The following NWD2 variants were observed in gnomAD, a reference collection of about 807,000 sequenced individuals.
NWD2 encodes the protein NACHT and WD repeat domain-containing protein 2.
NWD2 carries 37 observed loss-of-function variants against 132.7 expected under a neutral mutation model. That is an observed-to-expected ratio of 0.28 (90% CI 0.21 to 0.37). The LOEUF (loss-of-function observed/expected upper bound fraction) is 0.37. Ranked by LOEUF, NWD2 falls within the 10% of genes least tolerant of loss-of-function variation. NWD2 has a pLI of 1.00. For synonymous variants in NWD2, 705 were observed against 803.0 expected (o/e 0.88, Z 2.06); for missense variants, 1,592 against 2,122.4 (o/e 0.75, Z 4.91).
At chr4:37,334,904 T>C (rs1174192086) in intron 2 of NWD2, among the ~76,000 whole-genome samples, 5 of 152,148 alleles carry the variant, frequency 3.3e-5, no homozygotes, top group African/African-American at 1.2e-4. Flanking sequence ...CCTCCCTAAA[T>C]ACTTCTCCAA....
intron 3 of NWD2, among the ~76,000 whole-genome samples, chr4:37,396,660 A>G (rs1720797270): frequency 1.3e-5 from 2 of 152,306 alleles, no homozygotes; most frequent in Admixed American, 1.3e-4. Context: ...TCAGGGAGTC[A>G]AATGTGATCT....
chr4:37,446,077 T>C lies in NWD2; in HGVS notation c.4089T>C (p.Cys1363=), dbSNP rs1203753891. The change falls in exon 7 of 7, where the codon TGT becomes TGC. Residue 1363 remains cysteine (C), a synonymous_variant. Transcript: ENST00000309447. The surrounding 1 kb of genome is among the most constrained non-coding windows in gnomAD (Gnocchi z 6.7). Reference sequence around the variant, plus strand: ...AGCATGAAGGAATAGTTGAACACTGTGTGTTAACATCCACCGGAGATATAA... The same window carrying C: ...AGCATGAAGGAATAGTTGAACACTGCGTGTTAACATCCACCGGAGATATAA... The part of the protein sequence containing the change: ...VFKHEGIVEH[C]VLTSTGDIMV... The C allele has an allele frequency of 5.2e-6, 8 of 1,551,620 alleles. No individual in the cohort carries two copies. Among genetic ancestry groups the C allele is most frequent in the Non-Finnish European group, 6.1e-6 (7 of 1,146,936 alleles).
At chr4:37,361,424 CA>C (rs1420941494) in intron 3 of NWD2, among the ~76,000 whole-genome samples, 1 of 151,870 alleles carries the variant, frequency 6.6e-6, no homozygotes, top group Non-Finnish European at 1.5e-5. Context: ...AACATAGATG[CA>C]AAAAAACCTC....
intron 1 of NWD2, among the ~76,000 whole-genome samples, chr4:37,246,792 A>G (rs1717253040): frequency 6.6e-6 from 1 of 152,220 alleles, no homozygotes; most frequent in Non-Finnish European, 1.5e-5. Flanking sequence ...AGCTAGCTAA[A>G]TCACTCTTTT....
intron 2 of NWD2, among the ~76,000 whole-genome samples, chr4:37,329,283 G>A (rs527865773): frequency 6.0e-5 from 9 of 150,782 alleles, no homozygotes; most frequent in African/African-American, 1.7e-4. Flanking sequence ...ACCCTCTTCT[G>A]AGGAGCTTCT....
chr4:37,333,365 C>T (rs1719332739), intron 2 of NWD2, among the ~76,000 whole-genome samples: 2 of 152,134 alleles, frequency 1.3e-5, no homozygotes, highest in South Asian at 2.1e-4. Flanking sequence ...CACCCCTCCC[C>T]CAGCTCCAGG....
rs1276476766 is a variant in NWD2, at chr4:37,444,229, G to T, written c.2241G>T (p.Gln747His). ...LQLIAQKLYL[Q>H]DDNDLREMHT... The stretch of plus-strand genomic sequence containing the variant: ...TCATAGCCCAGAAGCTATATCTGCA[G>T]GATGACAATGACCTGCGTGAAATGC... The change falls in exon 7 of 7, where the codon CAG (glutamine) becomes CAT (histidine). Residue 747 changes from glutamine (Q) to histidine (H), a missense_variant. By Grantham distance (24) the Gln-to-His change is conservative (BLOSUM62 0). This residue lies in a region of NWD2 where 1,071 missense variants were observed against 1,398.0 expected (regional missense o/e 0.77). Coordinates refer to ENST00000309447, the MANE Select transcript of NWD2 (RefSeq NM_001144990.2). The surrounding 1 kb of genome is among the most constrained non-coding windows in gnomAD (Gnocchi z 4.8). The T allele has an allele frequency of 5.2e-6, 8 of 1,551,678 alleles. No individual in the cohort carries two copies. In the East Asian group the frequency reaches 2.0e-4, roughly 38 times the overall value.
chr4:37,439,700 C>T lies in NWD2; in HGVS notation c.1296+310C>T, dbSNP rs778114796. ...CCAATCTCAATAACTGTTCTCATTC[C>T]TTTCAGACAAGGACAAGCCCTCTGG... On this transcript the variant is annotated intron_variant, in intron 6 of 6. Transcript: ENST00000309447. This position sits in a 1 kb window ranked among gnomAD's most constrained non-coding sequence, Gnocchi z 4.5. 2.6e-5 allele frequency among the ~76,000 whole-genome samples: 4 copies of T among 152,190 alleles called. No homozygotes were observed. The highest frequency in any genetic ancestry group is 5.9e-5 in the Non-Finnish European group (4 of 68,038).
intron 3 of NWD2, among the ~76,000 whole-genome samples, chr4:37,403,744 A>G (rs1294097015): frequency 6.6e-6 from 1 of 152,216 alleles, no homozygotes; most frequent in Non-Finnish European, 1.5e-5. Context: ...CATTTGTGAA[A>G]CATTTCTGTA....
intron 1 of NWD2, among the ~76,000 whole-genome samples, chr4:37,280,513 C>T (rs1464309907): frequency 1.3e-5 from 2 of 152,044 alleles, no homozygotes; most frequent in Non-Finnish European, 1.5e-5. Context: ...ATAGGGAGAA[C>T]GTGCAGACTC....
At chr4:37,351,057 T>C (rs1331356827) in intron 2 of NWD2, among the ~76,000 whole-genome samples, 2 of 152,204 alleles carry the variant, frequency 1.3e-5, no homozygotes, top group African/African-American at 4.8e-5. Flanking sequence ...ATAAGCTTTT[T>C]GATGTGCTGC....
chr4:37,296,187 T>C (rs1014875374), intron 1 of NWD2, among the ~76,000 whole-genome samples: 23 of 152,192 alleles, frequency 1.5e-4, no homozygotes, highest in African/African-American at 5.5e-4. Context: ...CCAAGCTTAG[T>C]GCTGAAGTGC....
chr4:37,339,802 A>T (rs895123792), intron 2 of NWD2, among the ~76,000 whole-genome samples: 1 of 152,106 alleles, frequency 6.6e-6, no homozygotes, highest in Non-Finnish European at 1.5e-5. Flanking sequence ...CCCATTAAGT[A>T]ATTTCTCATT....
Position 37,402,906 on chromosome 4 carries a change from G to A in NWD2, c.358-27666G>A, listed in dbSNP as rs555168443. On this transcript the variant is annotated intron_variant, in intron 3 of 6. Coordinates refer to ENST00000309447, the MANE Select transcript of NWD2 (RefSeq NM_001144990.2). ...AAATGTACTAGTTTTTATGTTTGATGCGTTGTTTTTCATAGCATAGACAAC... is the reference window on the plus strand; with the variant it reads ...AAATGTACTAGTTTTTATGTTTGATACGTTGTTTTTCATAGCATAGACAAC... 1.4e-4 allele frequency among the ~76,000 whole-genome samples: 22 copies of A among 152,234 alleles called. No individual in the cohort carries two copies. In the South Asian group the frequency reaches 1.9e-3, roughly 13 times the overall value.
At chr4:37,410,026 C>T (rs1376217450) in intron 3 of NWD2, among the ~76,000 whole-genome samples, 1 of 152,202 alleles carries the variant, frequency 6.6e-6, no homozygotes, top group Admixed American at 6.5e-5. Context: ...TGGAAAGGAA[C>T]AACTGGTACC....
At chr4:37,442,523 C>A (rs987187296) in intron 6 of NWD2, among the ~76,000 whole-genome samples, 18 of 152,146 alleles carry the variant, frequency 1.2e-4, no homozygotes, top group African/African-American at 4.3e-4. Flanking sequence ...AGTTTCCTCT[C>A]CTATTAAATG....
At chr4:37,431,854 A>G (rs1712188227) in intron 4 of NWD2, among the ~76,000 whole-genome samples, 1 of 152,130 alleles carries the variant, frequency 6.6e-6, no homozygotes, top group Non-Finnish European at 1.5e-5. Context: ...CCTGAAGTAT[A>G]CCTTTTATAA....
At chr4:37,267,987 C>T (rs2109262035) in intron 1 of NWD2, among the ~76,000 whole-genome samples, 1 of 152,036 alleles carries the variant, frequency 6.6e-6, no homozygotes, top group Middle Eastern at 3.4e-3. Context: ...ATTACTCTTC[C>T]CTGCTCCTGT....
At chr4:37,251,138 G>T (rs1717350619) in intron 1 of NWD2, among the ~76,000 whole-genome samples, 1 of 152,170 alleles carries the variant, frequency 6.6e-6, no homozygotes, top group South Asian at 2.1e-4. Flanking sequence ...AATTAGCTGA[G>T]CATGGTGGTG....
Sources: allele counts gnomAD v4.1 joint callset (sites outside exome capture counted in the v4.1 genomes callset), GRCh38; gene constraint gnomAD v4.1.1; regional missense constraint gnomAD v4.1.1; non-coding constraint Gnocchi (gnomAD v3.1); transcripts MANE v1.5; gene names NCBI Gene and HGNC (gene_info 2026-07-23, HGNC 2026-07-21).